Variants in EPHA6 observed in about 807,000 individuals in gnomAD.
EPHA6 encodes EPH receptor A6, also known as ephrin type-A receptor 6.
A neutral mutation model predicts 112.0 loss-of-function variants in EPHA6; 50 were observed. The ratio of observed to expected loss-of-function variants is 0.45; its 90% CI spans 0.36 to 0.56. The LOEUF is 0.56. EPHA6 is among the 20% of genes least tolerant of loss of function. The pLI is 0.00. For synonymous variants in EPHA6, 529 were observed against 490.7 expected (o/e 1.08, Z -1.03); for missense variants, 1,280 against 1,417.4 (o/e 0.90, Z 1.56).
intron 5 of EPHA6, among the ~76,000 whole-genome samples, chr3:97,368,372 G>T (rs889525479): frequency 7.9e-5 from 12 of 152,026 alleles, no homozygotes; most frequent in Admixed American, 7.9e-4. Flanking sequence ...TGATAAAGAA[G>T]TCAACAATAC....
rs146249107 is a variant in EPHA6 at position 97,199,889 on chromosome 3, T to A, written c.1115-26375T>A. 6.0e-3 allele frequency among the ~76,000 whole-genome samples: 910 copies of A among 152,242 alleles called. 3 individuals are homozygous for A. Among genetic ancestry groups the A allele is most frequent in the African/African-American group, 0.021 (854 of 41,562 alleles). ...CGGATGCTGGGGGGGTGACAATGAG[T>A]TAACTTTAATAGAGTTTCATTAATA... On this transcript the variant is annotated intron_variant, in intron 3 of 17. Transcript: ENST00000389672.
At chr3:96,902,198 C>T (rs2038651149) in intron 2 of EPHA6, among the ~76,000 whole-genome samples, 1 of 152,114 alleles carries the variant, frequency 6.6e-6, no homozygotes, top group South Asian at 2.1e-4. Context: ...AGCAGGTATA[C>T]TTGTTAAAAA....
chr3:97,616,497 A>G (rs2093767697), intron 13 of EPHA6, among the ~76,000 whole-genome samples: 1 of 152,180 alleles, frequency 6.6e-6, no homozygotes, highest in Non-Finnish European at 1.5e-5. Context: ...CTAAAGGGAC[A>G]TGTTCTAACT....
At chr3:97,729,114 A>C (rs956086880) in intron 15 of EPHA6, among the ~76,000 whole-genome samples, 3 of 152,238 alleles carry the variant, frequency 2.0e-5, no homozygotes, top group Non-Finnish European at 4.4e-5. Flanking sequence ...CTTAGGCTAA[A>C]CAACAAATTA....
intron 2 of EPHA6, among the ~76,000 whole-genome samples, chr3:96,939,624 G>C (rs911614398): frequency 1.3e-5 from 2 of 152,160 alleles, no homozygotes; most frequent in Non-Finnish European, 2.9e-5. Flanking sequence ...TCTGATGTTA[G>C]TTATTTCTTG....
At chr3:97,045,005 A>G (rs1027393198) in intron 3 of EPHA6, among the ~76,000 whole-genome samples, 15 of 152,234 alleles carry the variant, frequency 9.9e-5, no homozygotes, top group Middle Eastern at 3.4e-3. Flanking sequence ...ATTGTGAAGT[A>G]TTATATCAAT....
At chr3:96,942,416 G>T (rs139647166) in intron 2 of EPHA6, among the ~76,000 whole-genome samples, 54 of 151,752 alleles carry the variant, frequency 3.6e-4, no homozygotes, top group South Asian at 1.5e-3. Context: ...CTCCGAGCTA[G>T]GTGTGGGATA....
At chr3:97,699,803 T>C (rs2033266967) in intron 14 of EPHA6, among the ~76,000 whole-genome samples, 1 of 152,236 alleles carries the variant, frequency 6.6e-6, no homozygotes, top group South Asian at 2.1e-4. Context: ...ATGCCACCAT[T>C]TTCTATAACA....
intron 5 of EPHA6, among the ~76,000 whole-genome samples, chr3:97,360,852 T>C (rs574003963): frequency 6.6e-6 from 1 of 152,326 alleles, no homozygotes; most frequent in African/African-American, 2.4e-5. Context: ...ATTTTGCTTG[T>C]CAACTTTTAC....
intron 2 of EPHA6, among the ~76,000 whole-genome samples, chr3:96,965,493 TG>T (rs1485336232): frequency 5.9e-5 from 9 of 152,128 alleles, no homozygotes; most frequent in Non-Finnish European, 1.2e-4. Flanking sequence ...TTATAACATC[TG>T]AGTATTTTAA....
intron 11 of EPHA6, among the ~76,000 whole-genome samples, chr3:97,592,325 A>G (rs2093552609): frequency 6.6e-6 from 1 of 152,174 alleles, no homozygotes; most frequent in Non-Finnish European, 1.5e-5. Context: ...TATCCATTTT[A>G]TTATTCCATG....
At chr3:96,922,165 A>T (rs1351622292) in intron 2 of EPHA6, among the ~76,000 whole-genome samples, 2 of 152,164 alleles carry the variant, frequency 1.3e-5, no homozygotes, top group Non-Finnish European at 2.9e-5. Flanking sequence ...ATCTATGTTC[A>T]TTTTCTGGTA....
chr3:97,362,281 G>A (rs1016473892), intron 5 of EPHA6, among the ~76,000 whole-genome samples: 1 of 151,986 alleles, frequency 6.6e-6, no homozygotes, highest in South Asian at 2.1e-4. Flanking sequence ...ATTCAGTATT[G>A]CCAATCAGCT....
Position 97,509,042 on chromosome 3 carries a change from G to A in EPHA6, c.2201-23316G>A, listed in dbSNP as rs186735128. Among the ~76,000 whole-genome samples the A allele has an allele frequency of 9.2e-3, 695 of 75,500 alleles. 9 individuals are homozygous for A. Among genetic ancestry groups the A allele is most frequent in the African/African-American group, 0.034 (621 of 18,170 alleles). The allele number at this position is 75,500 out of a possible 152,430, so 49.5% of individuals were successfully genotyped here. A position where few individuals can be genotyped will look rare whatever the true frequency, so the allele number is the denominator to read the frequency against. ...TTTTTTGCTTTCCATTTGCTTGGGA[G>A]ATATTCCTCATCCCTTTACTTTGAG... On this transcript the variant is annotated intron_variant, in intron 10 of 17. Transcript: ENST00000389672.
At chr3:97,672,230 C>T (rs1379106743) in intron 14 of EPHA6, among the ~76,000 whole-genome samples, 3 of 152,140 alleles carry the variant, frequency 2.0e-5, no homozygotes, top group African/African-American at 7.2e-5. Flanking sequence ...AGTGCTTTTA[C>T]AGGGCTACCA....
intron 2 of EPHA6, among the ~76,000 whole-genome samples, chr3:96,890,415 G>T (rs1383932074): frequency 6.6e-6 from 1 of 152,082 alleles, no homozygotes; most frequent in Non-Finnish European, 1.5e-5. Flanking sequence ...ATATGAAAAG[G>T]AACTTAATCT....
At chr3:97,010,930 A>G (rs370451588) in intron 3 of EPHA6, among the ~76,000 whole-genome samples, 2 of 152,188 alleles carry the variant, frequency 1.3e-5, no homozygotes, top group African/African-American at 4.8e-5. Flanking sequence ...AAATGCAGAA[A>G]TATCTGAGAG....
intron 3 of EPHA6, among the ~76,000 whole-genome samples, chr3:97,091,260 A>G (rs1576470355): frequency 6.6e-6 from 1 of 152,098 alleles, no homozygotes; most frequent in Admixed American, 6.6e-5. Flanking sequence ...AGTCTTTGCC[A>G]TTTTCTATGC....
intron 5 of EPHA6, among the ~76,000 whole-genome samples, chr3:97,289,949 A>C (rs1157174109): frequency 3.3e-5 from 5 of 151,922 alleles, no homozygotes; most frequent in Admixed American, 3.3e-4. Flanking sequence ...TTTGGATCTC[A>C]ATTTTGTTTA....
Sources: allele counts gnomAD v4.1 joint callset (sites outside exome capture counted in the v4.1 genomes callset), GRCh38; gene constraint gnomAD v4.1.1; transcripts MANE v1.5; gene names NCBI Gene and HGNC (gene_info 2026-07-23, HGNC 2026-07-21).